FKBP14: variants seen among roughly 807,000 people sequenced by gnomAD.
FKBP14 encodes the protein peptidyl-prolyl cis-trans isomerase FKBP14.
In FKBP14, 20 loss-of-function variants were observed where a neutral mutation model predicts 21.6. The ratio of observed to expected loss-of-function variants is 0.92; its 90% CI spans 0.65 to 1.34. The LOEUF is 1.34. Ranked by LOEUF, FKBP14 falls within the 40% of genes most tolerant of loss-of-function variation. The pLI is 0.00. For synonymous variants in FKBP14, 79 were observed against 86.7 expected (o/e 0.91, Z 0.49); for missense variants, 253 against 249.0 (o/e 1.02, Z -0.11).
Position 30,026,335 on chromosome 7 carries a change from C to T in FKBP14, c.174G>A (p.Lys58=), listed in dbSNP as rs1242692107. The T allele has an allele frequency of 9.3e-6, 15 of 1,611,566 alleles. No homozygotes were observed. Among genetic ancestry groups the T allele is most frequent in the African/African-American group, 1.3e-5 (1 of 74,720 alleles). The change falls in exon 1 of 4, where the codon AAG becomes AAA. Residue 58 remains lysine (K), a synonymous_variant. Transcript: ENST00000222803. ...ACGTGGAGTGAAATAAGGAGCCGTC[C>T]TTTTCTAAGTAGCCTTCATAGTGGA... is the stretch of plus-strand genomic sequence containing the variant. ...MLVHYEGYLE[K]DGSLFHSTHK...
chr7:30,022,782 TAAACC>T lies in FKBP14; in HGVS notation c.227_231del (p.Trp76TyrfsTer41). 2.5e-6 allele frequency: 4 copies of T among 1,614,154 alleles called. No homozygotes were observed. The highest frequency in any genetic ancestry group is 3.4e-6 in the Non-Finnish European group (4 of 1,180,026). On this transcript the variant is annotated frameshift_variant, in exon 2 of 4. Transcript: ENST00000222803. LOFTEE classifies it high-confidence loss of function. The stretch of plus-strand genomic sequence containing the variant: ...TTGAGAGCCTCCAGGATGCCCAGGG[TAAACC>T]AAATGGGCTGACCATTGTTATGTTT...
At chr7:30,006,813 C>T (rs1227314415), downstream of FKBP14, among the ~76,000 whole-genome samples, 2 of 152,214 alleles carry the variant, frequency 1.3e-5, no homozygotes, top group Admixed American at 6.5e-5. Flanking sequence ...GACTATCTAG[C>T]ATCCTTAGAT....
rs535457903 is a variant in FKBP14 at position 30,014,990 on chromosome 7, C to G, written c.478-97G>C. The G allele has an allele frequency of 7.3e-6, 5 of 682,146 alleles. No individual in the cohort carries two copies. The East Asian group carries it at 1.5e-4, about 20-fold the overall frequency. The allele number at this position is 682,146 out of a possible 1,614,324, so 42.3% of individuals were successfully genotyped here. A position where few individuals can be genotyped will look rare whatever the true frequency, so the allele number is the denominator to read the frequency against. The stretch of plus-strand genomic sequence containing the variant: ...ACATGGACTGTTATTATATTTAGTT[C>G]ATTAACTAAATATAATACCTTCTAA... On this transcript the variant is annotated intron_variant, in intron 3 of 3. Coordinates refer to ENST00000222803, the MANE Select transcript of FKBP14 (RefSeq NM_017946.4).
intron 1 of FKBP14, among the ~76,000 whole-genome samples, chr7:30,023,816 C>T (rs952564641): frequency 2.6e-5 from 4 of 152,146 alleles, no homozygotes; most frequent in African/African-American, 9.7e-5. Flanking sequence ...TTTACTATCA[C>T]AAGGAGAACA....
downstream of FKBP14, among the ~76,000 whole-genome samples, chr7:30,006,119 T>G (rs981442513): frequency 1.1e-5 from 1 of 94,374 alleles, no homozygotes; most frequent in African/African-American, 4.6e-5. Flanking sequence ...GGATAGTCTT[T>G]TTTTTTTTTT....
intron 2 of FKBP14, among the ~76,000 whole-genome samples, chr7:30,022,133 A>G (rs1341940500): frequency 6.6e-6 from 1 of 152,236 alleles, no homozygotes; most frequent in Non-Finnish European, 1.5e-5. Flanking sequence ...TTCATGAAGT[A>G]CAACCCATAT....
At chr7:30,024,912 T>TATA (rs1252762440) in intron 1 of FKBP14, among the ~76,000 whole-genome samples, 1 of 152,186 alleles carries the variant, frequency 6.6e-6, no homozygotes, top group African/African-American at 2.4e-5. Flanking sequence ...AAAATAACAA[T>TATA]ATAACTGAAT....
downstream of FKBP14, among the ~76,000 whole-genome samples, chr7:30,008,752 C>T (rs139927425): frequency 0.021 from 3,198 of 151,610 alleles, 47 homozygotes; most frequent in Non-Finnish European, 0.032. Context: ...CAAGGCAGGC[C>T]GATCACGAGG....
At position 30,014,056 on chromosome 7, in the gene FKBP14, T is replaced by G. The variant is rs1012845901; in HGVS notation, c.*679A>C. On this transcript the variant is annotated 3_prime_UTR_variant, in exon 4 of 4. Coordinates refer to ENST00000222803, the MANE Select transcript of FKBP14 (RefSeq NM_017946.4). ...TTTTGTATTTTTAGTAGAGATAGGG[T>G]TTCTCCGTGTTGGTCAGGCTGGTCT... The G allele has an allele frequency of 2.0e-5, 3 of 151,966 alleles. No individual in the cohort carries two copies. Among genetic ancestry groups the G allele is most frequent in the African/African-American group, 7.3e-5 (3 of 41,348 alleles). 9.4% of individuals were successfully genotyped at this position (151,966 alleles called of 1,614,324 possible).
At position 30,014,714 on chromosome 7, in the gene FKBP14, A is replaced by G. The variant is rs753884912; in HGVS notation, c.*21T>C. 4.0e-6 allele frequency: 6 copies of G among 1,498,080 alleles called. No individual in the cohort carries two copies. The highest frequency in any genetic ancestry group is 5.3e-6 in the Non-Finnish European group (6 of 1,121,612). 92.8% of individuals were successfully genotyped at this position (1,498,080 alleles called of 1,614,324 possible). ...CCCTCTCTTGAAAGATGAGTGCTAT[A>G]TTAAAAGGGTAGATGTATCTCTATA... On this transcript the variant is annotated 3_prime_UTR_variant, in exon 4 of 4. Transcript: ENST00000222803.
intron 2 of FKBP14, chr7:30,020,383 A>G: frequency 1.6e-6 from 1 of 638,850 alleles, no homozygotes; most frequent in Non-Finnish European, 2.4e-6. Context: ...TCAAATTTAG[A>G]TCTCTACTTA....
Position 30,026,456 on chromosome 7 carries a change from A to G in FKBP14, c.53T>C (p.Ile18Thr), listed in dbSNP as rs140239991. 26 of 1,614,016 alleles carry G rather than the reference A, an allele frequency of 1.6e-5. No individual in the cohort carries two copies. The highest frequency in any genetic ancestry group is 3.3e-5 in the Admixed American group (2 of 60,000). Residue 18 changes from isoleucine to threonine, a missense_variant, in exon 1 of 4, where the codon ATT becomes ACT. Ile to Thr is a moderately conservative substitution (Grantham distance 89). Coordinates refer to ENST00000222803, the MANE Select transcript of FKBP14 (RefSeq NM_017946.4). ...TTCTGGTTCAGGGATCAAAGCCCCA[A>G]TCAAAGAAGTGACGAACAGAGTCAA... is the stretch of plus-strand genomic sequence containing the variant. ...AVLTLFVTSL[I>T]GALIPEPEVK...
chr7:30,006,592 T>A (rs1006495086), downstream of FKBP14, among the ~76,000 whole-genome samples: 3 of 152,208 alleles, frequency 2.0e-5, no homozygotes, highest in Non-Finnish European at 4.4e-5. Flanking sequence ...ATGTATTTAT[T>A]GACCATTAAC....
chr7:30,015,069 T>G (rs936984475), intron 3 of FKBP14, among the ~76,000 whole-genome samples, 176 bp from the exon 4 acceptor site: 1 of 152,170 alleles, frequency 6.6e-6, no homozygotes, highest in South Asian at 2.1e-4. Flanking sequence ...TAGAAACTTT[T>G]TCCCTTAAAA....
chr7:30,022,819 A>G lies in FKBP14; in HGVS notation c.198-3T>C, dbSNP rs772253719. 13 of 1,609,926 alleles carry G rather than the reference A, an allele frequency of 8.1e-6. No individual in the cohort carries two copies. The East Asian group carries it at 1.8e-4, about 22-fold the overall frequency. On this transcript the variant is annotated splice_polypyrimidine_tract_variant and splice_region_variant and intron_variant, in intron 1 of 3. Coordinates refer to ENST00000222803, the MANE Select transcript of FKBP14 (RefSeq NM_017946.4). ...GCTGACCATTGTTATGTTTGTGACT[A>G]TGATAGAAATAAAACACATTAGAAC...
chr7:30,026,694 G>T lies in FKBP14; in HGVS notation c.-186C>A, dbSNP rs1790194937. 1 of 530,438 alleles carries T rather than the reference G, an allele frequency of 1.9e-6. No homozygotes were observed. The highest frequency in any genetic ancestry group is 1.9e-5 in the African/African-American group (1 of 53,326). The allele number at this position is 530,438 out of a possible 1,614,324, so 32.9% of individuals were successfully genotyped here. A position where few individuals can be genotyped will look rare whatever the true frequency, so the allele number is the denominator to read the frequency against. The stretch of plus-strand genomic sequence containing the variant: ...CAAGGGTCACGAACCTACCTTTAAA[G>T]AGTTAAGCCCAAATGCCGGCCTGAC... On this transcript the variant is annotated 5_prime_UTR_variant, in exon 1 of 4. Coordinates refer to ENST00000222803, the MANE Select transcript of FKBP14 (RefSeq NM_017946.4).
chr7:30,017,255 T>C (rs923599158), intron 3 of FKBP14, among the ~76,000 whole-genome samples: 1 of 151,084 alleles, frequency 6.6e-6, no homozygotes, highest in Non-Finnish European at 1.5e-5. Context: ...AGGATGTAGG[T>C]AGGAGAAAGA....
In FKBP14 at chr7:30,014,235, A is replaced by G. The variant is rs1789820708; in HGVS notation, c.*500T>C. On this transcript the variant is annotated 3_prime_UTR_variant, in exon 4 of 4. Transcript: ENST00000222803. ...AGTAGCCATTAACAAGTCAGGTCCA[A>G]CAACCATTTTCCTCTGGTCCTCAAG... The G allele has an allele frequency of 6.6e-6, 1 of 152,228 alleles. No individual in the cohort carries two copies. Among genetic ancestry groups the G allele is most frequent in the South Asian group, 2.1e-4 (1 of 4,834 alleles). 9.4% of individuals were successfully genotyped at this position (152,228 alleles called of 1,614,324 possible). A position where few individuals can be genotyped will look rare whatever the true frequency, so the allele number is the denominator to read the frequency against.
chr7:30,018,996 CTCATCTTTAG>C lies in FKBP14; in HGVS notation c.467_476del (p.Ser156TrpfsTer6). ...AGGAGTAGGAAGAAGGAAAGGTCAC[CTCATCTTTAG>C]AGAGTTTCCAGTCATCATTAAGATC... On this transcript the variant is annotated frameshift_variant and splice_region_variant, in exon 3 of 4. Coordinates refer to ENST00000222803, the MANE Select transcript of FKBP14 (RefSeq NM_017946.4). LOFTEE classifies it high-confidence loss of function. 1 of 1,607,888 alleles carries C rather than the reference CTCATCTTTAG, an allele frequency of 6.2e-7. No individual in the cohort carries two copies. Among genetic ancestry groups the C allele is most frequent in the East Asian group, 2.3e-5 (1 of 44,282 alleles).
Sources: gnomAD v4.1 joint callset for allele counts (sites outside exome capture counted in the v4.1 genomes callset) on GRCh38, gnomAD v4.1.1 for gene constraint, MANE v1.5 for transcripts, NCBI Gene and HGNC (gene_info 2026-07-23, HGNC 2026-07-21) for gene names.